Variants in HSD11B2 observed in about 807,000 individuals in gnomAD.
HSD11B2 encodes hydroxysteroid 11-beta dehydrogenase 2.
A neutral mutation model predicts 20.9 loss-of-function variants in HSD11B2; 17 were observed. The observed-to-expected ratio is 0.81, with a 90% CI of 0.56 to 1.22. The LOEUF is 1.22. Ranked by LOEUF, HSD11B2 falls within the 50% of genes most tolerant of loss-of-function variation. The pLI, the probability that HSD11B2 is intolerant of heterozygous loss-of-function variation, is 0.00. For synonymous variants in HSD11B2, 253 were observed against 255.4 expected (o/e 0.99, Z 0.09); for missense variants, 480 against 563.6 (o/e 0.85, Z 1.50).
rs780386115 is a variant in HSD11B2 at position 67,435,770 on chromosome 16, G to T, written c.408G>T (p.Gln136His). 7.4e-6 allele frequency: 12 copies of T among 1,614,144 alleles called. No individual in the cohort carries two copies. The Admixed American group carries it at 2.0e-4, about 27-fold the overall frequency. Reference sequence around the variant, plus strand: ...GCTCCCCTCGCCTAAGGCTGCTGCAGATGGACCTGACCAAACCAGGAGACA... The same window carrying T: ...GCTCCCCTCGCCTAAGGCTGCTGCATATGGACCTGACCAAACCAGGAGACA... ...TCCSPRLRLL[Q>H]MDLTKPGDIS... The change falls in exon 2 of 5, where the codon CAG becomes CAT. Residue 136 changes from glutamine to histidine, a missense_variant. Transcript: ENST00000326152.
In HSD11B2 at chr16:67,436,978, G is replaced by A. The variant is rs779149781; in HGVS notation, c.1193G>A (p.Gly398Asp). The change falls in exon 5 of 5, where the codon GGC becomes GAC. Residue 398 changes from glycine to aspartate, a missense_variant. Coordinates refer to ENST00000326152, the MANE Select transcript of HSD11B2 (RefSeq NM_000196.4). This position sits in a 1 kb window ranked among gnomAD's most constrained non-coding sequence, Gnocchi z 5.7. Reference protein sequence around the residue: ...DAAQDPNLSPGPSPAVAR With the variant: ...DAAQDPNLSPDPSPAVAR ...GCCCAGGACCCAAACCTGAGCCCCG[G>A]CCCTTCCCCAGCAGTGGCTCGGTGA... 5 of 1,609,998 alleles carry A rather than the reference G, an allele frequency of 3.1e-6. No individual in the cohort carries two copies. The African/African-American group carries it at 5.3e-5, about 17-fold the overall frequency.
chr16:67,436,866 C>CT lies in HSD11B2; in HGVS notation c.1081_1082insT (p.Arg361LeufsTer118). On this transcript the variant is annotated frameshift_variant, in exon 5 of 5. Transcript: ENST00000326152. LOFTEE classifies it low-confidence loss of function (END_TRUNC). This position sits in a 1 kb window ranked among gnomAD's most constrained non-coding sequence, Gnocchi z 5.7. Reference sequence around the variant, plus strand: ...CTACCTGCCTGAAGGCCTGCGGCGCCGCTTCCTGCAGGCCTTCTTCATCAG... The same window carrying CT: ...CTACCTGCCTGAAGGCCTGCGGCGCCTGCTTCCTGCAGGCCTTCTTCATCAG... 6.2e-7 allele frequency: 1 copy of CT among 1,613,606 alleles called. No individual in the cohort carries two copies. Among genetic ancestry groups the CT allele is most frequent in the Non-Finnish European group, 8.5e-7 (1 of 1,180,026 alleles).
Position 67,435,712 on chromosome 16 carries a change from A to T in HSD11B2, c.350A>T (p.Asn117Ile). 1 of 1,613,948 alleles carries T rather than the reference A, an allele frequency of 6.2e-7. No homozygotes were observed. Among genetic ancestry groups the T allele is most frequent in the Non-Finnish European group, 8.5e-7 (1 of 1,179,988 alleles). ...FTVLATVLEL[N>I]SPGAIELRTC... ...GTGCTGGCCACCGTATTGGAGTTGAACAGCCCCGGTGCCATCGAGCTGCGT... is the reference window on the plus strand; with the variant it reads ...GTGCTGGCCACCGTATTGGAGTTGATCAGCCCCGGTGCCATCGAGCTGCGT... Residue 117 changes from asparagine (N) to isoleucine (I), a missense_variant, in exon 2 of 5, where the codon AAC becomes ATC. Transcript: ENST00000326152.
intron 1 of HSD11B2, among the ~76,000 whole-genome samples, chr16:67,431,876 GATCGTTAC>G (rs1372808476): frequency 6.6e-6 from 1 of 152,154 alleles, no homozygotes; most frequent in Non-Finnish European, 1.5e-5. Flanking sequence ...GAGAAGGGAG[GATCGTTAC>G]CCCTTGAACT....
chr16:67,432,128 C>G (rs1187879982), intron 1 of HSD11B2, among the ~76,000 whole-genome samples: 1 of 152,170 alleles, frequency 6.6e-6, no homozygotes, highest in East Asian at 1.9e-4. Context: ...CACCCCACCC[C>G]CAAGCCCTCC....
At chr16:67,432,295 A>AG (rs2040939965) in intron 1 of HSD11B2, among the ~76,000 whole-genome samples, 1 of 108,834 alleles carries the variant, frequency 9.2e-6, no homozygotes, top group Non-Finnish European at 1.9e-5. Context: ...GGAAGTGGGG[A>AG]GGGGGAGAAA....
rs1443720605 is a variant in HSD11B2, at chr16:67,436,745, A to C, written c.960A>C (p.Pro320=). 2 of 1,614,038 alleles carry C rather than the reference A, an allele frequency of 1.2e-6. No individual in the cohort carries two copies. The highest frequency in any genetic ancestry group is 1.1e-5 in the South Asian group (1 of 91,086). Reference sequence around the variant, plus strand: ...GCCTGGCCATGTCCGACCTCACCCCAGTTGTAGATGCCATCACAGATGCGC... The same window carrying C: ...GCCTGGCCATGTCCGACCTCACCCCCGTTGTAGATGCCATCACAGATGCGC... ...SLRLAMSDLT[P]VVDAITDALL... Residue 320 remains proline, a synonymous_variant, in exon 5 of 5, where the codon CCA becomes CCC. Coordinates refer to ENST00000326152, the MANE Select transcript of HSD11B2 (RefSeq NM_000196.4). This position sits in a 1 kb window ranked among gnomAD's most constrained non-coding sequence, Gnocchi z 5.7.
chr16:67,436,458 G>T lies in HSD11B2; in HGVS notation c.802+72G>T. On this transcript the variant is annotated intron_variant, in intron 4 of 4. Coordinates refer to ENST00000326152, the MANE Select transcript of HSD11B2 (RefSeq NM_000196.4). This position sits in a 1 kb window ranked among gnomAD's most constrained non-coding sequence, Gnocchi z 5.7. The stretch of plus-strand genomic sequence containing the variant: ...GGAATGGTCTTATGGGGGCAGGTCA[G>T]GTTTGATGAATGGTCATGGTTTTGG... The T allele has an allele frequency of 6.5e-7, 1 of 1,536,772 alleles. No homozygotes were observed. Among genetic ancestry groups the T allele is most frequent in the Non-Finnish European group, 8.8e-7 (1 of 1,133,972 alleles).
At chr16:67,435,517 G>T (rs758758623) in intron 1 of HSD11B2, 111 bp from the exon 2 acceptor site, 6 of 819,992 alleles carry the variant, frequency 7.3e-6, no homozygotes, top group East Asian at 2.6e-5. Flanking sequence ...TTGACTGCTG[G>T]TGGCTTGGTT....
chr16:67,430,058 A>C (rs1247933906), upstream of HSD11B2, among the ~76,000 whole-genome samples: 1 of 147,858 alleles, frequency 6.8e-6, no homozygotes, highest in African/African-American at 2.5e-5. The surrounding 1 kb of genome is among the most constrained non-coding windows in gnomAD (Gnocchi z 5.4). Context: ...TCAAGCCTGC[A>C]GCCAGGTACT....
At chr16:67,431,582 G>A in intron 1 of HSD11B2, 69 bp downstream of exon 1, 1 of 1,232,690 alleles carries the variant, frequency 8.1e-7, no homozygotes, top group Non-Finnish European at 1.0e-6. Flanking sequence ...CAACAGGACT[G>A]ACTCCCCATG....
rs1481559205 is a variant in HSD11B2, at chr16:67,437,249, C to T, written c.*246C>T. ...AACACCCTCCTGGCACAACGCTCTA[C>T]CCTGCAGCTTGGAGAACTCCGCTGG... On this transcript the variant is annotated 3_prime_UTR_variant, in exon 5 of 5. Transcript: ENST00000326152. 3.4e-6 allele frequency: 2 copies of T among 589,332 alleles called. No individual in the cohort carries two copies. Among genetic ancestry groups the T allele is most frequent in the African/African-American group, 1.9e-5 (1 of 53,712 alleles). The allele number at this position is 589,332 out of a possible 1,614,324, so 36.5% of individuals were successfully genotyped here. A position where few individuals can be genotyped will look rare whatever the true frequency, so the allele number is the denominator to read the frequency against.
intron 1 of HSD11B2, among the ~76,000 whole-genome samples, chr16:67,434,275 G>C (rs1202887807): frequency 1.3e-5 from 2 of 152,148 alleles, no homozygotes; most frequent in Non-Finnish European, 2.9e-5. Flanking sequence ...CCACTGATTG[G>C]AATTCCAAGG....
rs1054430713 is a variant in HSD11B2 at position 67,437,087 on chromosome 16, G to A, written c.*84G>A. On this transcript the variant is annotated 3_prime_UTR_variant, in exon 5 of 5. Transcript: ENST00000326152. Reference sequence around the variant, plus strand: ...CCTCCCCGAAAACCCCCAGCATTACGATCCCCCAAGTGTCCTGGACCCTGG... The same window carrying A: ...CCTCCCCGAAAACCCCCAGCATTACAATCCCCCAAGTGTCCTGGACCCTGG... 40 of 1,378,204 alleles carry A rather than the reference G, an allele frequency of 2.9e-5. No individual in the cohort carries two copies. Among genetic ancestry groups the A allele is most frequent in the Admixed American group, 2.2e-4 (11 of 50,472 alleles). 85.4% of individuals were successfully genotyped at this position (1,378,204 alleles called of 1,614,324 possible).
At position 67,431,275 on chromosome 16, in the gene HSD11B2, C is replaced by G; in HGVS notation, c.27C>G (p.Gly9=). The part of the protein sequence containing the change: MERWPWPS[G]GAWLLVAARA... ...TGGAGCGCTGGCCTTGGCCGTCGGG[C>G]GGCGCCTGGCTGCTCGTGGCTGCCC... The change falls in exon 1 of 5, where the codon GGC becomes GGG. Residue 9 remains glycine, a synonymous_variant. Transcript: ENST00000326152. 7.9e-7 allele frequency: 1 copy of G among 1,263,134 alleles called. No individual in the cohort carries two copies. Among genetic ancestry groups the G allele is most frequent in the African/African-American group, 1.6e-5 (1 of 63,902 alleles). 78.2% of individuals were successfully genotyped at this position (1,263,134 alleles called of 1,614,324 possible). A position where few individuals can be genotyped will look rare whatever the true frequency, so the allele number is the denominator to read the frequency against.
At position 67,437,081 on chromosome 16, in the gene HSD11B2, C is replaced by T; in HGVS notation, c.*78C>T. On this transcript the variant is annotated 3_prime_UTR_variant, in exon 5 of 5. Coordinates refer to ENST00000326152, the MANE Select transcript of HSD11B2 (RefSeq NM_000196.4). ...TTGGTTCCTCCCCGAAAACCCCCAG[C>T]ATTACGATCCCCCAAGTGTCCTGGA... is the stretch of plus-strand genomic sequence containing the variant. 7.1e-7 allele frequency: 1 copy of T among 1,414,362 alleles called. No individual in the cohort carries two copies. Among genetic ancestry groups the T allele is most frequent in the South Asian group, 1.2e-5 (1 of 82,502 alleles). The allele number at this position is 1,414,362 out of a possible 1,614,324, so 87.6% of individuals were successfully genotyped here.
chr16:67,435,194 C>A (rs575645678), intron 1 of HSD11B2, among the ~76,000 whole-genome samples: 8 of 147,078 alleles, frequency 5.4e-5, no homozygotes, highest in African/African-American at 2.1e-4. Flanking sequence ...CAGAGCGAGA[C>A]CCTGTCTCAA....
At chr16:67,430,848 G>A (rs1429505333), upstream of HSD11B2, 1 of 153,394 alleles carries the variant, frequency 6.5e-6, no homozygotes, top group Non-Finnish European at 1.4e-5. This position sits in a 1 kb window ranked among gnomAD's most constrained non-coding sequence, Gnocchi z 5.4. Flanking sequence ...GGGCGCGGCG[G>A]AGAGCTGAGG....
Position 67,431,452 on chromosome 16 carries a change from G to T in HSD11B2, c.204G>T (p.Ala68=). ...TGCTGGCCGCCGCCGGCTGGATCGC[G>T]TTGTCCCGCCTGGCGCGCCCGCAGC... The part of the protein sequence containing the change: ...LAVLAAAGWI[A]LSRLARPQRL... The change falls in exon 1 of 5, where the codon GCG becomes GCT. Residue 68 remains alanine (A), a synonymous_variant. Transcript: ENST00000326152. 1.4e-6 allele frequency: 2 copies of T among 1,384,492 alleles called. No individual in the cohort carries two copies. Among genetic ancestry groups the T allele is most frequent in the Non-Finnish European group, 1.9e-6 (2 of 1,067,234 alleles). The allele number at this position is 1,384,492 out of a possible 1,614,324, so 85.8% of individuals were successfully genotyped here.
Sources: allele counts gnomAD v4.1 joint callset (sites outside exome capture counted in the v4.1 genomes callset), GRCh38; gene constraint gnomAD v4.1.1; non-coding constraint Gnocchi (gnomAD v3.1); transcripts MANE v1.5; gene names NCBI Gene and HGNC (gene_info 2026-07-23, HGNC 2026-07-21).